LRPAP1: variants seen among roughly 807,000 people sequenced by gnomAD.
The protein encoded by LRPAP1 is LDL receptor related protein associated protein 1, also known as alpha-2-macroglobulin receptor-associated protein.
A neutral mutation model predicts 39.9 loss-of-function variants in LRPAP1; 41 were observed. That is an observed-to-expected ratio of 1.03 (90% CI 0.80 to 1.33). LRPAP1 has a LOEUF of 1.33. Ranked by LOEUF, LRPAP1 falls within the 40% of genes most tolerant of loss-of-function variation. The pLI, the probability that LRPAP1 is intolerant of heterozygous loss-of-function variation, is 0.00. For synonymous variants in LRPAP1, 263 were observed against 212.7 expected, an observed-to-expected ratio of 1.24 and a Z score of -2.06; for missense variants, 565 against 482.3, an observed-to-expected ratio of 1.17 and a Z score of -1.61.
chr4:3,527,524 C>T (rs1462773648), intron 1 of LRPAP1, among the ~76,000 whole-genome samples: 1 of 152,248 alleles, frequency 6.6e-6, no homozygotes, highest in Non-Finnish European at 1.5e-5. Flanking sequence ...GCTGCTGCTA[C>T]CCTGTAGGCG....
chr4:3,514,468 C>A (rs1729629144), intron 7 of LRPAP1, among the ~76,000 whole-genome samples: 1 of 152,194 alleles, frequency 6.6e-6, no homozygotes, highest in South Asian at 2.1e-4. Context: ...GTATCCAGGT[C>A]ACGCCCCATC....
intron 1 of LRPAP1, among the ~76,000 whole-genome samples, chr4:3,530,799 G>A (rs1300915404): frequency 6.6e-6 from 1 of 152,206 alleles, no homozygotes; most frequent in Admixed American, 6.5e-5. Flanking sequence ...GCACCAGGGC[G>A]GCCCTGCAGA....
In LRPAP1 at chr4:3,505,316, C is replaced by T. The variant is rs1729320333; in HGVS notation, c.*7658G>A. On this transcript the variant is annotated 3_prime_UTR_variant, in exon 8 of 8. Coordinates refer to ENST00000650182, the MANE Select transcript of LRPAP1 (RefSeq NM_002337.4). ...AGCACTGGAGCCCAATGCAGGGTGA[C>T]CCCTTCCCCCCAGCTCCAAATCCAG... Among the ~76,000 whole-genome samples, 4 of 152,328 alleles carry T rather than the reference C, an allele frequency of 2.6e-5. No individual in the cohort carries two copies. In the South Asian group the frequency reaches 8.3e-4, roughly 32 times the overall value.
In LRPAP1 at chr4:3,513,028, C is replaced by T; in HGVS notation, c.1020G>A (p.Lys340=). The change falls in exon 8 of 8, where the codon AAG becomes AAA. Residue 340 remains lysine, a synonymous_variant. Coordinates refer to ENST00000650182, the MANE Select transcript of LRPAP1 (RefSeq NM_002337.4). The stretch of plus-strand genomic sequence containing the variant: ...TCCTGCCGGACAGGTCCTGCAGATG[C>T]TTCTTCACCTGTGGACAGAAACGTC... ...RTKELGYTVK[K]HLQDLSGRIS... 9 of 1,612,118 alleles carry T rather than the reference C, an allele frequency of 5.6e-6. No individual in the cohort carries two copies. Among genetic ancestry groups the T allele is most frequent in the Non-Finnish European group, 7.6e-6 (9 of 1,179,144 alleles).
At chr4:3,515,580 C>A (rs1033156628) in intron 6 of LRPAP1, among the ~76,000 whole-genome samples, 8 of 152,180 alleles carry the variant, frequency 5.3e-5, no homozygotes, top group African/African-American at 1.9e-4. Context: ...TGGCCGGATA[C>A]CATACTCAAG....
chr4:3,511,319 C>T lies in LRPAP1; in HGVS notation c.*1655G>A, dbSNP rs1347472725. 6.8e-6 allele frequency: 1 copy of T among 147,828 alleles called. No homozygotes were observed. Among genetic ancestry groups the T allele is most frequent in the Non-Finnish European group, 1.5e-5 (1 of 67,146 alleles). 9.2% of individuals were successfully genotyped at this position (147,828 alleles called of 1,614,324 possible). ...CCAGAAAGGAAGCAACTCAAATATC[C>T]ACCCACAATAAAGTGCATTAAAATC... is the stretch of plus-strand genomic sequence containing the variant. On this transcript the variant is annotated 3_prime_UTR_variant, in exon 8 of 8. Coordinates refer to ENST00000650182, the MANE Select transcript of LRPAP1 (RefSeq NM_002337.4).
chr4:3,514,282 A>G (rs1331384240), intron 7 of LRPAP1, among the ~76,000 whole-genome samples: 2 of 152,244 alleles, frequency 1.3e-5, no homozygotes, highest in Non-Finnish European at 2.9e-5. Context: ...AGCTCCCTCC[A>G]GAAAGAACTT....
rs1729303935 is a variant in LRPAP1, at chr4:3,504,818, G to A, written c.*8156C>T. Among the ~76,000 whole-genome samples the A allele has an allele frequency of 6.6e-6, 1 of 151,698 alleles. No homozygotes were observed. The highest frequency in any genetic ancestry group is 1.5e-5 in the Non-Finnish European group (1 of 67,948). On this transcript the variant is annotated 3_prime_UTR_variant, in exon 8 of 8. Transcript: ENST00000650182. ...AAAAATTAGCTGGGTATGGTGGCAGGTGCCCATAATCCCAGCTACTTGGGA... is the reference window on the plus strand; with the variant it reads ...AAAAATTAGCTGGGTATGGTGGCAGATGCCCATAATCCCAGCTACTTGGGA...
At chr4:3,531,972 C>T (rs1184144594) in intron 1 of LRPAP1, 2 of 571,684 alleles carry the variant, frequency 3.5e-6, no homozygotes, top group Non-Finnish European at 6.1e-6. Flanking sequence ...CCTCGGGGTG[C>T]CGGCCGCCAC....
chr4:3,515,009 C>T (rs768052561), intron 6 of LRPAP1, 81 bp from the exon 7 acceptor site: 78 of 1,499,866 alleles, frequency 5.2e-5, no homozygotes, highest in Middle Eastern at 1.8e-4. Context: ...ACTGCAAGGA[C>T]GCCAAAGGAC....
chr4:3,532,408 G>C lies in LRPAP1; in HGVS notation c.5C>G (p.Ala2Gly), dbSNP rs375417190. M[A>G]PRRVRSFLRG... ...CAGAAACGACCTGACCCTCCGCGGC[G>C]CCATCTTCCTCTGCGACTGGCGCTG... Residue 2 changes from alanine to glycine, a missense_variant, in exon 1 of 8, where the codon GCG (alanine) becomes GGG (glycine). Ala to Gly is a moderately conservative substitution (Grantham distance 60). Transcript: ENST00000650182. 2 of 1,568,200 alleles carry C rather than the reference G, an allele frequency of 1.3e-6. No individual in the cohort carries two copies. The highest frequency in any genetic ancestry group is 2.3e-5 in the East Asian group (1 of 42,670).
chr4:3,515,833 C>T, intron 6 of LRPAP1: 1 of 485,454 alleles, frequency 2.1e-6, no homozygotes, highest in Non-Finnish European at 3.7e-6. Context: ...TCCCGACCAA[C>T]TGTTGACCAT....
At chr4:3,517,904 C>T (rs540539142) in intron 5 of LRPAP1, 130 bp downstream of exon 5, 14 of 1,166,174 alleles carry the variant, frequency 1.2e-5, no homozygotes, top group South Asian at 6.6e-5. Flanking sequence ...GTAGACTGAG[C>T]GCGCCGAGGG....
intron 7 of LRPAP1, among the ~76,000 whole-genome samples, chr4:3,514,341 T>C (rs1418044959): frequency 6.6e-6 from 1 of 152,242 alleles, no homozygotes; most frequent in African/African-American, 2.4e-5. Flanking sequence ...GGCTGTGCGC[T>C]GGCTTCAGCT....
intron 1 of LRPAP1, chr4:3,531,942 C>G (rs1730266937): frequency 3.7e-6 from 2 of 540,706 alleles, no homozygotes; most frequent in African/African-American, 4.0e-5. Context: ...GCCGCCCAGG[C>G]TGGGGAGGGC....
rs533591282 is a variant in LRPAP1 at position 3,518,121 on chromosome 4, T to C, written c.664A>G (p.Thr222Ala). 1.2e-6 allele frequency: 2 copies of C among 1,613,660 alleles called. No individual in the cohort carries two copies. The highest frequency in any genetic ancestry group is 2.2e-5 in the East Asian group (1 of 44,878). The change falls in exon 5 of 8, where the codon ACG becomes GCG. Residue 222 changes from threonine (T) to alanine (A), a missense_variant. Physicochemically the swap from Thr to Ala is moderately conservative, Grantham distance 58 (BLOSUM62 0). Coordinates refer to ENST00000650182, the MANE Select transcript of LRPAP1 (RefSeq NM_002337.4). ...CTGCGCAGCTTCTCCTTCAGCTCCG[T>C]GTGCCTGCTGTGCAGGACGCTGCCC... ...IKGSVLHSRH[T>A]ELKEKLRSIN...
intron 5 of LRPAP1, among the ~76,000 whole-genome samples, chr4:3,517,165 G>C (rs1729738719): frequency 6.6e-6 from 1 of 152,262 alleles, no homozygotes; most frequent in Non-Finnish European, 1.5e-5. Context: ...GGGTTTGGGG[G>C]TGGGTGGTGA....
chr4:3,516,199 C>A lies in LRPAP1; in HGVS notation c.752-1G>T. ...TCAATCACCCTGGGCTCCTCGAACTCTGCAGGGGAGGAGCAAGAGTGGCCT... is the reference window on the plus strand; with the variant it reads ...TCAATCACCCTGGGCTCCTCGAACTATGCAGGGGAGGAGCAAGAGTGGCCT... On this transcript the variant is annotated splice_acceptor_variant, in intron 5 of 7. Transcript: ENST00000650182. LOFTEE classifies it high-confidence loss of function. 1 of 1,567,528 alleles carries A rather than the reference C, an allele frequency of 6.4e-7. No individual in the cohort carries two copies. The highest frequency in any genetic ancestry group is 8.6e-7 in the Non-Finnish European group (1 of 1,156,210).
chr4:3,520,343 A>G (rs1729873892), intron 2 of LRPAP1, 150 bp from the exon 3 acceptor site: 1 of 746,764 alleles, frequency 1.3e-6, no homozygotes, highest in South Asian at 1.8e-5. Context: ...ACCACTGGAG[A>G]TCTGGGGAGA....
Sources: allele counts gnomAD v4.1 joint callset (sites outside exome capture counted in the v4.1 genomes callset), GRCh38; gene constraint gnomAD v4.1.1; transcripts MANE v1.5; gene names NCBI Gene and HGNC (gene_info 2026-07-23, HGNC 2026-07-21).